Variants in UIMC1 observed in about 807,000 individuals in gnomAD.
The protein encoded by UIMC1 is ubiquitin interaction motif containing 1, also known as BRCA1-A complex subunit RAP80.
UIMC1 carries 42 observed loss-of-function variants against 84.9 expected under a neutral mutation model. The ratio of observed to expected loss-of-function variants is 0.49; its 90% CI spans 0.39 to 0.64. UIMC1 has a LOEUF of 0.64. UIMC1 is among the 30% of genes least tolerant of loss of function. UIMC1 has a pLI of 0.00. For missense variants in UIMC1, 825 were observed against 847.6 expected, an observed-to-expected ratio of 0.97 and a Z score of 0.33; for synonymous variants, 281 against 293.0, an observed-to-expected ratio of 0.96 and a Z score of 0.42.
intron 8 of UIMC1, among the ~76,000 whole-genome samples, chr5:176,953,986 T>C (rs1766251658): frequency 6.6e-6 from 1 of 152,218 alleles, no homozygotes; most frequent in African/African-American, 2.4e-5. Flanking sequence ...TTTGGCTTCA[T>C]GGTGAAGCAG....
At chr5:176,983,821 T>TGAGGAG (rs1381226567) in intron 1 of UIMC1, among the ~76,000 whole-genome samples, 1 of 146,420 alleles carries the variant, frequency 6.8e-6, no homozygotes, top group Non-Finnish European at 1.5e-5. Flanking sequence ...GTCTTGGATG[T>TGAGGAG]GAGGAGCGCC....
In UIMC1 at chr5:176,906,006, T is replaced by C. The variant is rs749256441; in HGVS notation, c.1949+5A>G. The C allele has an allele frequency of 6.2e-7, 1 of 1,614,068 alleles. No homozygotes were observed. Among genetic ancestry groups the C allele is most frequent in the East Asian group, 2.2e-5 (1 of 44,886 alleles). ...AGCCACAATTCAGTGCACAATCCAA[T>C]TCACCTGAAGGCTCCTGTTTCTGAA... On this transcript the variant is annotated splice_donor_5th_base_variant and intron_variant, in intron 14 of 14. Transcript: ENST00000511320.
At chr5:176,979,145 A>AAAAT (rs1770611495) in intron 2 of UIMC1, among the ~76,000 whole-genome samples, 1 of 152,258 alleles carries the variant, frequency 6.6e-6, no homozygotes, top group Non-Finnish European at 1.5e-5. Flanking sequence ...AGTTTATGAT[A>AAAAT]AAGGTAAAAT....
At chr5:177,000,917 T>A (rs1774353010) in intron 1 of UIMC1, among the ~76,000 whole-genome samples, 1 of 152,222 alleles carries the variant, frequency 6.6e-6, no homozygotes, top group Non-Finnish European at 1.5e-5. Context: ...ATTAATCCTT[T>A]GTCAGATGGG....
intron 10 of UIMC1, among the ~76,000 whole-genome samples, chr5:176,941,880 G>A (rs1764481870): frequency 6.6e-6 from 1 of 151,638 alleles, no homozygotes; most frequent in Non-Finnish European, 1.5e-5. Flanking sequence ...TTTCACTCTT[G>A]TTGCCCAGGC....
In UIMC1 at chr5:176,972,865, GAATA is replaced by G. The variant is rs762084544; in HGVS notation, c.233-2003_233-2000del. 4.5e-4 allele frequency among the ~76,000 whole-genome samples: 67 copies of G among 150,072 alleles called. 1 individual carries two copies. Among genetic ancestry groups the G allele is most frequent in the Non-Finnish European group, 7.4e-4 (50 of 67,642 alleles). On this transcript the variant is annotated intron_variant, in intron 3 of 14. Transcript: ENST00000511320. ...ATTATAAATTCTACAGTCACTAAAA[GAATA>G]AATAAGGGAATACTATGAATGATTT...
intron 14 of UIMC1, 118 bp from the exon 15 acceptor site, chr5:176,905,610 T>C: frequency 2.1e-6 from 2 of 937,042 alleles, no homozygotes; most frequent in Middle Eastern, 3.4e-4. Flanking sequence ...ATAATCTTTG[T>C]AATAATCCCA....
In UIMC1 at chr5:176,969,661, C is replaced by G; in HGVS notation, c.403G>C (p.Ala135Pro). 6.2e-7 allele frequency: 1 copy of G among 1,614,008 alleles called. No homozygotes were observed. Among genetic ancestry groups the G allele is most frequent in the Non-Finnish European group, 8.5e-7 (1 of 1,180,002 alleles). The change falls in exon 5 of 15, where the codon GCC becomes CCC. Residue 135 changes from alanine to proline, a missense_variant. Physicochemically the swap from Ala to Pro is conservative, Grantham distance 27. Coordinates refer to ENST00000511320, the MANE Select transcript of UIMC1 (RefSeq NM_001199298.2). ...TGGGACTGGGAAGACGGTCCAGTGG[C>G]CAGAGGTCGAGATCTGGTAGCGGAA... Reference protein sequence around the residue: ...DASATRSRPLATGPSSQSHQE... With the variant: ...DASATRSRPLPTGPSSQSHQE...
rs1314818020 is a variant in UIMC1, at chr5:176,968,561, A to T, written c.1194T>A (p.His398Gln). 6.2e-7 allele frequency: 1 copy of T among 1,608,268 alleles called. No individual in the cohort carries two copies. Among genetic ancestry groups the T allele is most frequent in the East Asian group, 2.2e-5 (1 of 44,866 alleles). The change falls in exon 6 of 15, where the codon CAT becomes CAA. Residue 398 changes from histidine (H) to glutamine (Q), a missense_variant. Coordinates refer to ENST00000511320, the MANE Select transcript of UIMC1 (RefSeq NM_001199298.2). ...LLLEEEPTTS[H>Q]GQSSQGIVEE... ...CAGCATCACTGACCCTTACCTGACC[A>T]TGACTGGTTGTTGGTTCTTCCTCCA...
intron 6 of UIMC1, among the ~76,000 whole-genome samples, chr5:176,959,393 A>G (rs915200286): frequency 2.6e-5 from 4 of 152,222 alleles, no homozygotes; most frequent in Admixed American, 6.5e-5. Context: ...AGGCTAAAGC[A>G]TATCTCAAAC....
chr5:176,931,714 C>T (rs1282666850), intron 10 of UIMC1, among the ~76,000 whole-genome samples: 1 of 152,124 alleles, frequency 6.6e-6, no homozygotes, highest in African/African-American at 2.4e-5. Flanking sequence ...AGGCCGGGTG[C>T]GGTGGCTCAT....
chr5:176,932,858 CTTTTTTTT>C lies in UIMC1; in HGVS notation c.1597+10469_1597+10476del, dbSNP rs749495757. On this transcript the variant is annotated intron_variant, in intron 10 of 14. Coordinates refer to ENST00000511320, the MANE Select transcript of UIMC1 (RefSeq NM_001199298.2). Reference sequence around the variant, plus strand: ...CTTCATCCAGTCAGCAATAGCAATGCTTTTTTTTTTTTTTTTTTTTTTTACAGGAATGG... The same window carrying C: ...CTTCATCCAGTCAGCAATAGCAATGCTTTTTTTTTTTTTTTACAGGAATGG... Among the ~76,000 whole-genome samples the C allele has an allele frequency of 1.4e-3, 152 of 106,634 alleles. 1 individual carries two copies. Among genetic ancestry groups the C allele is most frequent in the African/African-American group, 5.6e-3 (128 of 22,950 alleles). 70.0% of individuals were successfully genotyped at this position (106,634 alleles called of 152,430 possible). A position where few individuals can be genotyped will look rare whatever the true frequency, so the allele number is the denominator to read the frequency against.
intron 10 of UIMC1, among the ~76,000 whole-genome samples, chr5:176,922,223 T>C (rs1761798573): frequency 6.6e-6 from 1 of 152,246 alleles, no homozygotes; most frequent in Non-Finnish European, 1.5e-5. Flanking sequence ...CACTGACTTG[T>C]GTTTAGTACT....
chr5:176,934,269 C>T (rs1763460793), intron 10 of UIMC1, among the ~76,000 whole-genome samples: 1 of 152,134 alleles, frequency 6.6e-6, no homozygotes, highest in African/African-American at 2.4e-5. Flanking sequence ...CATATAAACA[C>T]TTTAGAGGTA....
At chr5:176,962,392 T>G (rs1250930436) in intron 6 of UIMC1, among the ~76,000 whole-genome samples, 3 of 19,762 alleles carry the variant, frequency 1.5e-4, no homozygotes, top group Non-Finnish European at 2.6e-4. Context: ...GTCCGGGAGG[T>G]GAGGGGCGCC....
chr5:176,986,070 AT>A (rs773605934), intron 1 of UIMC1, among the ~76,000 whole-genome samples: 200 of 145,150 alleles, frequency 1.4e-3, no homozygotes, highest in Middle Eastern at 7.2e-3. Flanking sequence ...TATGCAACGT[AT>A]TTTTTTTTTT....
chr5:177,013,451 G>A (rs879685201), intron 1 of UIMC1, among the ~76,000 whole-genome samples: 6 of 151,258 alleles, frequency 4.0e-5, no homozygotes, highest in Admixed American at 4.0e-4. Context: ...ATAATGGAAG[G>A]TTTAAACTAC....
chr5:176,984,006 T>A (rs1448050323), intron 1 of UIMC1, among the ~76,000 whole-genome samples: 13 of 111,102 alleles, frequency 1.2e-4, no homozygotes, highest in South Asian at 3.3e-4. Context: ...GGCCGCCCCG[T>A]CTGGGAAGTG....
chr5:176,919,182 G>T, intron 10 of UIMC1: 1 of 405,352 alleles, frequency 2.5e-6, no homozygotes, highest in South Asian at 1.7e-5. Flanking sequence ...GGGAGGCTGA[G>T]GTGGGAGGAT....
Sources: gnomAD v4.1 joint callset for allele counts (sites outside exome capture counted in the v4.1 genomes callset) on GRCh38, gnomAD v4.1.1 for gene constraint, MANE v1.5 for transcripts, NCBI Gene and HGNC (gene_info 2026-07-23, HGNC 2026-07-21) for gene names.